PXDNL: variants seen among roughly 807,000 people sequenced by gnomAD.
The protein encoded by PXDNL is probable oxidoreductase PXDNL.
In PXDNL, 145 loss-of-function variants were observed where a neutral mutation model predicts 150.8. The ratio of observed to expected loss-of-function variants is 0.96; its 90% confidence interval spans 0.84 to 1.10. The LOEUF (loss-of-function observed/expected upper bound fraction) is 1.10, where lower values mean the gene tolerates loss of function less well. PXDNL is among the 50% of genes least tolerant of loss of function. PXDNL has a pLI of 0.00. For synonymous variants in PXDNL, 757 were observed against 725.7 expected, an observed-to-expected ratio of 1.04 and a Z score of -0.69; for missense variants, 2,087 against 1,873.9, an observed-to-expected ratio of 1.11 and a Z score of -2.10.
chr8:51,486,191 T>C (rs967443442), intron 5 of PXDNL, among the ~76,000 whole-genome samples: 2 of 152,152 alleles, frequency 1.3e-5, no homozygotes, highest in African/African-American at 4.8e-5. Flanking sequence ...CAGACCAGAA[T>C]TAATTGCTTA....
chr8:51,432,780 C>G (rs140967168), intron 12 of PXDNL, among the ~76,000 whole-genome samples: 1 of 152,272 alleles, frequency 6.6e-6, no homozygotes, highest in East Asian at 1.9e-4. Flanking sequence ...TGAGGATAAT[C>G]CTATTATATA....
At chr8:51,506,244 G>A (rs1450351810) in intron 4 of PXDNL, among the ~76,000 whole-genome samples, 1 of 152,044 alleles carries the variant, frequency 6.6e-6, no homozygotes, top group Non-Finnish European at 1.5e-5. Context: ...TCCTAAATTA[G>A]AATAGTTACA....
At chr8:51,493,857 G>A (rs1418833147) in intron 5 of PXDNL, among the ~76,000 whole-genome samples, 2 of 152,330 alleles carry the variant, frequency 1.3e-5, no homozygotes, top group East Asian at 3.9e-4. Flanking sequence ...AAAACAGTCT[G>A]CAGGATATTA....
chr8:51,669,479 A>G (rs1815456632), intron 1 of PXDNL, among the ~76,000 whole-genome samples: 1 of 152,196 alleles, frequency 6.6e-6, no homozygotes, highest in African/African-American at 2.4e-5. Context: ...TTTTGGAAAC[A>G]TTTCCAACCT....
At chr8:51,496,491 T>C (rs544182001) in intron 5 of PXDNL, among the ~76,000 whole-genome samples, 1 of 152,260 alleles carries the variant, frequency 6.6e-6, no homozygotes, top group South Asian at 2.1e-4. Flanking sequence ...AGTCAAATTG[T>C]CCCTGTTTGC....
intron 1 of PXDNL, among the ~76,000 whole-genome samples, chr8:51,682,597 C>A (rs1815776147): frequency 6.6e-6 from 1 of 152,172 alleles, no homozygotes; most frequent in Non-Finnish European, 1.5e-5. Flanking sequence ...CTTATTCTCC[C>A]CTAACCTACC....
At chr8:51,414,796 C>T (rs999002039) in intron 14 of PXDNL, among the ~76,000 whole-genome samples, 2 of 152,112 alleles carry the variant, frequency 1.3e-5, no homozygotes, top group Non-Finnish European at 2.9e-5. Context: ...CGTTATAATA[C>T]ACTAAGAAAC....
chr8:51,592,708 C>A lies in PXDNL; in HGVS notation c.237-10G>T. On this transcript the variant is annotated splice_polypyrimidine_tract_variant and intron_variant, in intron 2 of 22. Coordinates refer to ENST00000356297, the MANE Select transcript of PXDNL (RefSeq NM_144651.5). ...GTTGTTGTTCAGCAGACTGAAAAAG[C>A]AAAAACAAACAAATAATTCCCAAAT... 6.5e-7 allele frequency: 1 copy of A among 1,531,082 alleles called. No individual in the cohort carries two copies. Among genetic ancestry groups the A allele is most frequent in the South Asian group, 1.2e-5 (1 of 81,488 alleles). The allele number at this position is 1,531,082 out of a possible 1,614,324, so 94.8% of individuals were successfully genotyped here.
chr8:51,701,095 T>C (rs529420656), intron 1 of PXDNL, among the ~76,000 whole-genome samples: 1 of 152,178 alleles, frequency 6.6e-6, no homozygotes, highest in East Asian at 1.9e-4. Flanking sequence ...TTCCTAACAT[T>C]GAACATTGTC....
At chr8:51,703,352 G>T (rs2130885466) in intron 1 of PXDNL, among the ~76,000 whole-genome samples, 1 of 151,268 alleles carries the variant, frequency 6.6e-6, no homozygotes, top group South Asian at 2.1e-4. Context: ...TGCAGCCAAA[G>T]AAAACATTTC....
chr8:51,808,372 G>A (rs748245400), intron 1 of PXDNL, among the ~76,000 whole-genome samples: 15 of 151,784 alleles, frequency 9.9e-5, no homozygotes, highest in Middle Eastern at 6.8e-3. Flanking sequence ...TGAATTTGTC[G>A]TCTTTTTCTT....
In PXDNL at chr8:51,398,321, C is replaced by T. The variant is rs563819381; in HGVS notation, c.3557+9746G>A. On this transcript the variant is annotated intron_variant, in intron 17 of 22. Coordinates refer to ENST00000356297, the MANE Select transcript of PXDNL (RefSeq NM_144651.5). ...AGCTGAAGCAGCTGGGAACAGGTGGCGGGACCTGCGGTGGGGAGTGGGCAG... is the reference window on the plus strand; with the variant it reads ...AGCTGAAGCAGCTGGGAACAGGTGGTGGGACCTGCGGTGGGGAGTGGGCAG... Among the ~76,000 whole-genome samples, 5 of 152,270 alleles carry T rather than the reference C, an allele frequency of 3.3e-5. No individual in the cohort carries two copies. The East Asian group carries it at 9.7e-4, about 29-fold the overall frequency.
At chr8:51,635,741 G>A (rs1814591584) in intron 2 of PXDNL, among the ~76,000 whole-genome samples, 1 of 151,848 alleles carries the variant, frequency 6.6e-6, no homozygotes, top group African/African-American at 2.4e-5. Context: ...AAAACCTCAA[G>A]ACCAGATAGT....
intron 1 of PXDNL, among the ~76,000 whole-genome samples, chr8:51,786,121 G>T (rs1296945867): frequency 3.9e-5 from 6 of 152,174 alleles, no homozygotes; most frequent in Non-Finnish European, 8.8e-5. Context: ...CCAAAAATCA[G>T]CTGAGCACTC....
chr8:51,641,099 T>A (rs1310001833), intron 2 of PXDNL, among the ~76,000 whole-genome samples: 1 of 151,664 alleles, frequency 6.6e-6, no homozygotes, highest in African/African-American at 2.4e-5. Flanking sequence ...AAACAAGCAA[T>A]GGGGAAAGGA....
At chr8:51,335,880 T>C (rs1805820720) in intron 21 of PXDNL, among the ~76,000 whole-genome samples, 1 of 152,200 alleles carries the variant, frequency 6.6e-6, no homozygotes, top group Non-Finnish European at 1.5e-5. Flanking sequence ...ACACAAGAGC[T>C]ATAACATGTA....
rs1816604705 is a variant in PXDNL, at chr8:51,715,755, A to G, written c.165-60995T>C. Among the ~76,000 whole-genome samples, 3 of 152,206 alleles carry G rather than the reference A, an allele frequency of 2.0e-5. No homozygotes were observed. The South Asian group carries it at 6.2e-4, about 32-fold the overall frequency. The stretch of plus-strand genomic sequence containing the variant: ...TAATGGTGCGGAGGTACCAGGTGTC[A>G]GCTGACTCAGGAGGTACAGTAACCT... On this transcript the variant is annotated intron_variant, in intron 1 of 22. Transcript: ENST00000356297.
Position 51,411,391 on chromosome 8 carries a change from T to C in PXDNL, c.1921A>G (p.Ser641Gly), listed in dbSNP as rs1440754657. The C allele has an allele frequency of 6.4e-7, 1 of 1,574,044 alleles. No individual in the cohort carries two copies. Residue 641 changes from serine to glycine, a missense_variant, in exon 16 of 23, where the codon AGT becomes GGT. Ser to Gly is a moderately conservative substitution (Grantham distance 56, BLOSUM62 0). Coordinates refer to ENST00000356297, the MANE Select transcript of PXDNL (RefSeq NM_144651.5). ...TAATGAAATTGAGCCAGCAGGTCAC[T>C]GGAGGTGTGAGGTTTTCTGCAAATG... Reference protein sequence around the residue: ...HLFSQKPHTSSDLLAQFHYPR... With the variant: ...HLFSQKPHTSGDLLAQFHYPR...
intron 2 of PXDNL, among the ~76,000 whole-genome samples, chr8:51,610,052 G>A (rs1466851289): frequency 1.3e-5 from 2 of 151,886 alleles, no homozygotes; most frequent in East Asian, 1.9e-4. Flanking sequence ...TTTTCAACAC[G>A]CAGCTCTAGC....
Sources: gnomAD v4.1 joint callset for allele counts (sites outside exome capture counted in the v4.1 genomes callset) on GRCh38, gnomAD v4.1.1 for gene constraint, MANE v1.5 for transcripts, NCBI Gene and HGNC (gene_info 2026-07-23, HGNC 2026-07-21) for gene names.